PFKFB3: variants seen among roughly 807,000 people sequenced by gnomAD.
PFKFB3 encodes 6-phosphofructo-2-kinase/fructose-2,6-bisphosphatase 3.
In PFKFB3, 33 loss-of-function variants were observed where a neutral mutation model predicts 68.0. The observed-to-expected ratio is 0.49, with a 90% CI of 0.37 to 0.65. The LOEUF is 0.65. Among genes scored for constraint, PFKFB3 ranks in the 30% least tolerant of loss-of-function variants. The pLI is 0.00. For missense variants in PFKFB3, 586 were observed against 712.2 expected (o/e 0.82, Z 2.02); for synonymous variants, 315 against 288.2 (o/e 1.09, Z -0.94).
Position 6,154,255 on chromosome 10 carries a change from T to TG in PFKFB3, c.16+9242_16+9243insG, listed in dbSNP as rs1841696406. Among the ~76,000 whole-genome samples the TG allele has an allele frequency of 6.6e-6, 1 of 151,428 alleles. No homozygotes were observed. The highest frequency in any genetic ancestry group is 6.6e-5 in the Admixed American group (1 of 15,210). On this transcript the variant is annotated intron_variant, in intron 1 of 14. Coordinates refer to the PFKFB3 transcript ENST00000379789. The surrounding 1 kb of genome is among the most constrained non-coding windows in gnomAD (Gnocchi z 4.6). ...GAGGTGTGGGCTGAATTAATTTTTT[T>TG]TTTTTTTTGAGGCAGGGTCCCACTC...
chr10:6,191,183 G>A (rs1395895164), intron 1 of PFKFB3, among the ~76,000 whole-genome samples: 4 of 152,202 alleles, frequency 2.6e-5, no homozygotes, highest in Non-Finnish European at 4.4e-5. Flanking sequence ...AACACCGAAG[G>A]CTGCCACAGG....
At chr10:6,227,179 G>A (rs1288863883) in intron 14 of PFKFB3, among the ~76,000 whole-genome samples, 2 of 152,084 alleles carry the variant, frequency 1.3e-5, no homozygotes, top group East Asian at 1.9e-4. Flanking sequence ...CAGACATTAA[G>A]ATTTGTTTTC....
At chr10:6,297,276 T>C in the PFKFB3 span, among the ~76,000 whole-genome samples, 1 of 152,200 alleles carries the variant, frequency 6.6e-6, no homozygotes, top group African/African-American at 2.4e-5. Context: ...GTGGCTTTCA[T>C]CGGAGAAGCA....
chr10:6,165,738 G>A (rs1334732429), intron 1 of PFKFB3, among the ~76,000 whole-genome samples: 4 of 152,050 alleles, frequency 2.6e-5, no homozygotes, highest in Admixed American at 2.0e-4. Flanking sequence ...TGTTATATAA[G>A]TAAACTCGTT....
chr10:6,201,821 C>G (rs1333920456), upstream of PFKFB3, among the ~76,000 whole-genome samples: 1 of 152,206 alleles, frequency 6.6e-6, no homozygotes, highest in Non-Finnish European at 1.5e-5. This position sits in a 1 kb window ranked among gnomAD's most constrained non-coding sequence, Gnocchi z 4.1. Flanking sequence ...CGTCCCGGCG[C>G]GGGCGGCGGT....
At chr10:6,279,669 C>G in the PFKFB3 span, among the ~76,000 whole-genome samples, 2 of 152,128 alleles carry the variant, frequency 1.3e-5, no homozygotes, top group East Asian at 3.9e-4. Flanking sequence ...CAGAACCTCC[C>G]GCCAGACAGC....
In PFKFB3 at chr10:6,228,373, A is replaced by T. The variant is rs1003002267; in HGVS notation, c.1515+2008A>T. Reference sequence around the variant, plus strand: ...GGAGATGGGCGTAGGAGTAGGGAGGAGAGATTCCTGAATGTTTTTGGAAAA... The same window carrying T: ...GGAGATGGGCGTAGGAGTAGGGAGGTGAGATTCCTGAATGTTTTTGGAAAA... On this transcript the variant is annotated intron_variant, in intron 14 of 14. Coordinates refer to ENST00000379775, the MANE Select transcript of PFKFB3 (RefSeq NM_004566.4). This position sits in a 1 kb window ranked among gnomAD's most constrained non-coding sequence, Gnocchi z 4.5. 3.8e-6 allele frequency: 3 copies of T among 799,504 alleles called. No homozygotes were observed. The highest frequency in any genetic ancestry group is 6.4e-6 in the Non-Finnish European group (3 of 470,100). The allele number at this position is 799,504 out of a possible 1,614,324, so 49.5% of individuals were successfully genotyped here.
intron 1 of PFKFB3, among the ~76,000 whole-genome samples, chr10:6,165,897 C>T (rs1022194971): frequency 1.3e-5 from 2 of 151,636 alleles, no homozygotes; most frequent in Non-Finnish European, 2.9e-5. Context: ...TCACTGCAAC[C>T]TCTGCCTCCC....
At chr10:6,153,862 AAG>A (rs1270595891) in intron 1 of PFKFB3, among the ~76,000 whole-genome samples, 9 of 151,990 alleles carry the variant, frequency 5.9e-5, no homozygotes, top group South Asian at 4.2e-4. Context: ...TAAAAAAAAA[AAG>A]AGAGGGGAGA....
intron 1 of PFKFB3, among the ~76,000 whole-genome samples, chr10:6,188,364 T>A (rs559146423): frequency 6.6e-6 from 1 of 151,708 alleles, no homozygotes; most frequent in East Asian, 1.9e-4. Flanking sequence ...CAAGGTTTCA[T>A]CCAGGCTCAC....
At chr10:6,324,842 T>C in the PFKFB3 span, among the ~76,000 whole-genome samples, 1 of 152,108 alleles carries the variant, frequency 6.6e-6, no homozygotes, top group African/African-American at 2.4e-5. Context: ...GAAGAGAGCA[T>C]TGGAAGTAGA....
chr10:6,216,361 C>T lies in PFKFB3; in HGVS notation c.366+170C>T, dbSNP rs548405989. Reference sequence around the variant, plus strand: ...GAGGATGTGGGGTGGACTCAGGGACCCACCCCCTCTGTGGCCAGTCCCACA... The same window carrying T: ...GAGGATGTGGGGTGGACTCAGGGACTCACCCCCTCTGTGGCCAGTCCCACA... On this transcript the variant is annotated intron_variant, in intron 4 of 14. Coordinates refer to ENST00000379775, the MANE Select transcript of PFKFB3 (RefSeq NM_004566.4). Among the ~76,000 whole-genome samples the T allele has an allele frequency of 5.3e-5, 8 of 152,250 alleles. No homozygotes were observed. In the East Asian group the frequency reaches 1.5e-3, roughly 29 times the overall value.
intron 14 of PFKFB3, among the ~76,000 whole-genome samples, chr10:6,227,962 T>G (rs1588535423): frequency 6.6e-6 from 1 of 151,682 alleles, no homozygotes; most frequent in Non-Finnish European, 1.5e-5. Context: ...GGGAAGGGGG[T>G]TGATATCCTG....
chr10:6,192,817 C>T (rs1333726719), intron 1 of PFKFB3, among the ~76,000 whole-genome samples: 1 of 152,036 alleles, frequency 6.6e-6, no homozygotes, highest in Non-Finnish European at 1.5e-5. Context: ...TGGGCTTGCA[C>T]AGTTACAAAA....
intron 1 of PFKFB3, among the ~76,000 whole-genome samples, chr10:6,181,270 C>A (rs571415351): frequency 3.3e-5 from 5 of 152,192 alleles, no homozygotes; most frequent in Non-Finnish European, 7.3e-5. Context: ...ATCCTCTAGT[C>A]TCAGCCTCAG....
upstream of PFKFB3, among the ~76,000 whole-genome samples, chr10:6,199,133 C>T (rs959576990): frequency 2.0e-4 from 30 of 152,198 alleles, no homozygotes; most frequent in South Asian, 6.2e-4. Flanking sequence ...CTCCCTCATA[C>T]ATGGGATTTT....
the PFKFB3 span, among the ~76,000 whole-genome samples, chr10:6,304,325 C>G: frequency 6.6e-6 from 1 of 151,938 alleles, no homozygotes; most frequent in African/African-American, 2.4e-5. Context: ...ACCTGTGTAA[C>G]CTGAGACATG....
At chr10:6,157,514 C>T (rs1257338082) in intron 1 of PFKFB3, among the ~76,000 whole-genome samples, 1 of 152,158 alleles carries the variant, frequency 6.6e-6, no homozygotes, top group Non-Finnish European at 1.5e-5. Context: ...GCATGAGCCA[C>T]GGCGCCCAGC....
In PFKFB3 at chr10:6,229,028, T is replaced by C. The variant is rs1845552668; in HGVS notation, c.1515+2663T>C. 2.1e-6 allele frequency: 1 copy of C among 474,968 alleles called. No individual in the cohort carries two copies. The highest frequency in any genetic ancestry group is 1.5e-5 in the South Asian group (1 of 64,552). 29.4% of individuals were successfully genotyped at this position (474,968 alleles called of 1,614,324 possible). On this transcript the variant is annotated intron_variant, in intron 14 of 14. Transcript: ENST00000379775. The surrounding 1 kb of genome is among the most constrained non-coding windows in gnomAD (Gnocchi z 4.3). The stretch of plus-strand genomic sequence containing the variant: ...ACTTTAATGACAGCCACATGAAGTG[T>C]CATCCCCTTGCCCCCCCAAAAACAC...
Sources: gnomAD v4.1 joint callset for allele counts (sites outside exome capture counted in the v4.1 genomes callset) on GRCh38, gnomAD v4.1.1 for gene constraint, Gnocchi (gnomAD v3.1) non-coding constraint, MANE v1.5 for transcripts, NCBI Gene and HGNC (gene_info 2026-07-23, HGNC 2026-07-21) for gene names.